Variants in KLF15 observed in about 807,000 individuals in gnomAD.
The protein encoded by KLF15 is KLF transcription factor 15, also known as Krueppel-like factor 15.
In KLF15, 4 loss-of-function variants were observed where a neutral mutation model predicts 24.6. The ratio of observed to expected loss-of-function variants is 0.16; its 90% CI spans 0.08 to 0.37. The LOEUF is 0.37. KLF15 is among the 10% of genes least tolerant of loss of function. KLF15 has a pLI of 1.00. For missense variants in KLF15, 496 were observed against 560.6 expected, an observed-to-expected ratio of 0.88 and a Z score of 1.16; for synonymous variants, 246 against 236.3, an observed-to-expected ratio of 1.04 and a Z score of -0.37.
chr3:126,304,011 C>T, the KLF15 span, among the ~76,000 whole-genome samples: 1 of 152,014 alleles, frequency 6.6e-6, no homozygotes, highest in South Asian at 2.1e-4. Flanking sequence ...TGTTTTAATG[C>T]CTTTGTCTGA....
At chr3:126,311,917 C>T in the KLF15 span, among the ~76,000 whole-genome samples, 1 of 152,206 alleles carries the variant, frequency 6.6e-6, no homozygotes, top group Admixed American at 6.5e-5. Flanking sequence ...GGCTATCAAT[C>T]GTAAATCACT....
chr3:126,334,054 G>T, the KLF15 span, among the ~76,000 whole-genome samples: 1 of 152,078 alleles, frequency 6.6e-6, no homozygotes, highest in African/African-American at 2.4e-5. Flanking sequence ...ATTGAACTCA[G>T]CTCTGCACCA....
In KLF15 at chr3:126,351,971, T is replaced by A; in HGVS notation, c.952A>T (p.Ile318Phe). 6.2e-7 allele frequency: 1 copy of A among 1,605,078 alleles called. No homozygotes were observed. The highest frequency in any genetic ancestry group is 8.5e-7 in the Non-Finnish European group (1 of 1,175,684). Residue 318 changes from isoleucine to phenylalanine, a missense_variant, in exon 2 of 3, where the codon ATC (isoleucine) becomes TTC (phenylalanine). Coordinates refer to ENST00000296233, the MANE Select transcript of KLF15 (RefSeq NM_014079.4). ...GGGAAAGTACATTTGTGCATTTTGATGAGTTCTGCGGCTGGGTTCTTGGGG... is the reference window on the plus strand; with the variant it reads ...GGGAAAGTACATTTGTGCATTTTGAAGAGTTCTGCGGCTGGGTTCTTGGGG... ...KFPKNPAAEL[I>F]KMHKCTFPGC... is the part of the protein sequence containing the mutation.
the KLF15 span, among the ~76,000 whole-genome samples, chr3:126,324,635 G>T: frequency 7.2e-6 from 1 of 138,588 alleles, no homozygotes. Flanking sequence ...ATAGCCTTTC[G>T]TGATCACTTT....
In KLF15 at chr3:126,343,494, G is replaced by A. The variant is rs998445512; in HGVS notation, c.*233C>T. On this transcript the variant is annotated 3_prime_UTR_variant, in exon 3 of 3. Transcript: ENST00000296233. The stretch of plus-strand genomic sequence containing the variant: ...CGAAGGCACGAAGGCACGAAGGCCT[G>A]CCTCCAGCCCCGTGCGCCTGGGGCC... The A allele has an allele frequency of 2.0e-6, 1 of 498,970 alleles. No individual in the cohort carries two copies. The highest frequency in any genetic ancestry group is 3.5e-6 in the Non-Finnish European group (1 of 286,686). 30.9% of individuals were successfully genotyped at this position (498,970 alleles called of 1,614,324 possible).
downstream of KLF15, among the ~76,000 whole-genome samples, chr3:126,339,395 GCTCT>G (rs1333282951): frequency 1.3e-5 from 2 of 152,148 alleles, no homozygotes; most frequent in Non-Finnish European, 2.9e-5. Flanking sequence ...TACAGCCTGG[GCTCT>G]CTATTTCTTC....
intron 2 of KLF15, among the ~76,000 whole-genome samples, chr3:126,346,345 A>G (rs955779289): frequency 6.6e-6 from 1 of 152,148 alleles, no homozygotes; most frequent in African/African-American, 2.4e-5. Context: ...AGCCAGCCCC[A>G]TTGGACTGGC....
rs987669277 is a variant in KLF15, at chr3:126,356,588, G to A, written c.-26+649C>T. Among the ~76,000 whole-genome samples the A allele has an allele frequency of 3.9e-5, 6 of 152,180 alleles. No homozygotes were observed. Among genetic ancestry groups the A allele is most frequent in the African/African-American group, 1.4e-4 (6 of 41,458 alleles). On this transcript the variant is annotated intron_variant, in intron 1 of 2. Transcript: ENST00000296233. This position sits in a 1 kb window ranked among gnomAD's most constrained non-coding sequence, Gnocchi z 4.4. ...GGTGCGGGTGTGCGTGAAGGGGTGT[G>A]AGTTCCTGTCGTGTGACTGCGTGTG... is the stretch of plus-strand genomic sequence containing the variant.
At chr3:126,353,823 T>A (rs1021167618) in intron 1 of KLF15, among the ~76,000 whole-genome samples, 12 of 152,218 alleles carry the variant, frequency 7.9e-5, no homozygotes, top group African/African-American at 2.6e-4. Flanking sequence ...GCCCTGCCCC[T>A]CTGGTGATAA....
chr3:126,305,719 T>C, the KLF15 span, among the ~76,000 whole-genome samples: 2 of 152,306 alleles, frequency 1.3e-5, no homozygotes, highest in African/African-American at 4.8e-5. Context: ...AAGTAGCTGC[T>C]GGGTTGGGCA....
the KLF15 span, among the ~76,000 whole-genome samples, chr3:126,332,273 G>A: frequency 5.6e-4 from 83 of 149,182 alleles, no homozygotes; most frequent in African/African-American, 1.6e-3. Context: ...CCTGACCCCC[G>A]AGCAGCCTAA....
At chr3:126,304,643 A>G in the KLF15 span, among the ~76,000 whole-genome samples, 1 of 152,240 alleles carries the variant, frequency 6.6e-6, no homozygotes, top group Non-Finnish European at 1.5e-5. Context: ...TTCATCATTC[A>G]GGAATCACTG....
rs939073698 is a variant in KLF15 at position 126,356,146 on chromosome 3, G to C, written c.-26+1091C>G. Among the ~76,000 whole-genome samples the C allele has an allele frequency of 1.3e-5, 2 of 152,182 alleles. No homozygotes were observed. Among genetic ancestry groups the C allele is most frequent in the Non-Finnish European group, 2.9e-5 (2 of 68,024 alleles). On this transcript the variant is annotated intron_variant, in intron 1 of 2. Coordinates refer to ENST00000296233, the MANE Select transcript of KLF15 (RefSeq NM_014079.4). This position sits in a 1 kb window ranked among gnomAD's most constrained non-coding sequence, Gnocchi z 4.4. ...GCCAAGGGCTTGCCATTGGGTCAGC[G>C]TGCAAATCACGGGGGTGGCGGCGGG...
chr3:126,347,269 A>G (rs1342872245), intron 2 of KLF15, among the ~76,000 whole-genome samples: 1 of 152,200 alleles, frequency 6.6e-6, no homozygotes, highest in African/African-American at 2.4e-5. Flanking sequence ...ACTGCAATGG[A>G]AATGGTGCTC....
the KLF15 span, among the ~76,000 whole-genome samples, chr3:126,328,570 T>G: frequency 2.0e-5 from 3 of 152,200 alleles, no homozygotes; most frequent in Admixed American, 2.0e-4. Context: ...TGTTCCCTGT[T>G]CACCACATCC....
At chr3:126,353,967 T>G (rs943162974) in intron 1 of KLF15, 1 of 151,730 alleles carries the variant, frequency 6.6e-6, no homozygotes, top group African/African-American at 2.4e-5. Flanking sequence ...GGAAGTGGAG[T>G]CCCCTGCACT....
chr3:126,346,755 C>T (rs2082538553), intron 2 of KLF15, among the ~76,000 whole-genome samples: 3 of 152,196 alleles, frequency 2.0e-5, no homozygotes, highest in African/African-American at 4.8e-5. Context: ...TTCTCCCAAA[C>T]AGCAGCCAAC....
the KLF15 span, among the ~76,000 whole-genome samples, chr3:126,295,192 A>G: frequency 0.023 from 3,471 of 152,326 alleles, 122 homozygotes; most frequent in African/African-American, 0.078. Flanking sequence ...ATATATTCCA[A>G]TAACAGCTGT....
the KLF15 span, among the ~76,000 whole-genome samples, chr3:126,336,321 G>A: frequency 8.3e-6 from 1 of 119,778 alleles, no homozygotes; most frequent in Non-Finnish European, 1.7e-5. Context: ...ACAAGCAATG[G>A]GGAAAGGATT....
Sources: allele counts gnomAD v4.1 joint callset (sites outside exome capture counted in the v4.1 genomes callset), GRCh38; gene constraint gnomAD v4.1.1; non-coding constraint Gnocchi (gnomAD v3.1); transcripts MANE v1.5; gene names NCBI Gene and HGNC (gene_info 2026-07-23, HGNC 2026-07-21).